The following EYS variants were observed in gnomAD, a reference collection of about 807,000 sequenced individuals.
The protein encoded by EYS is EGF-like photoreceptor maintenance factor, also known as protein eyes shut homolog.
A neutral mutation model predicts 282.1 loss-of-function variants in EYS; 250 were observed. That is an observed-to-expected ratio of 0.89 (90% CI 0.80 to 0.98). EYS has a LOEUF of 0.98. EYS is among the 50% of genes least tolerant of loss of function. The probability of loss-of-function intolerance (pLI) is 0.00; values close to 1 mark genes in which losing one functional copy is unlikely to be tolerated. For missense variants in EYS, 4,016 were observed against 3,709.0 expected (o/e 1.08, Z -2.15); for synonymous variants, 1,355 against 1,282.9 (o/e 1.06, Z -1.20).
intron 22 of EYS, among the ~76,000 whole-genome samples, chr6:64,683,458 A>G (rs1424039584): frequency 6.6e-6 from 1 of 152,206 alleles, no homozygotes; most frequent in East Asian, 1.9e-4. Context: ...ATTATCTGAA[A>G]TGAAAAATTT....
intron 13 of EYS, among the ~76,000 whole-genome samples, chr6:65,024,321 C>A (rs773421262): frequency 1.0e-3 from 154 of 152,278 alleles, no homozygotes; most frequent in Non-Finnish European, 1.7e-3. Flanking sequence ...ACCCCAGGTA[C>A]TATTTTAAGT....
At chr6:64,364,986 C>A (rs1772141218) in intron 29 of EYS, among the ~76,000 whole-genome samples, 1 of 151,562 alleles carries the variant, frequency 6.6e-6, no homozygotes, top group African/African-American at 2.4e-5. Context: ...GTTTTTTTTA[C>A]TCTTCGAGTA....
chr6:63,800,936 G>A (rs554966468), intron 37 of EYS, among the ~76,000 whole-genome samples: 1 of 152,222 alleles, frequency 6.6e-6, no homozygotes, highest in Non-Finnish European at 1.5e-5. Context: ...GGAACAGCCT[G>A]CACAGAAGTG....
intron 18 of EYS, among the ~76,000 whole-genome samples, chr6:64,899,397 T>A (rs144076397): frequency 0.032 from 4,801 of 152,100 alleles, 85 homozygotes; most frequent in Middle Eastern, 0.065. Context: ...ATAAAGGGTA[T>A]TCAAATAGGA....
rs1182999291 is a variant in EYS at position 64,295,490 on chromosome 6, GAAGAAGAAAGAAGA to G, written c.6191+11466_6191+11479del. Among the ~76,000 whole-genome samples, 4 of 28,172 alleles carry G rather than the reference GAAGAAGAAAGAAGA, an allele frequency of 1.4e-4. 2 individuals carry two copies. The highest frequency in any genetic ancestry group is 8.7e-4 in the Admixed American group (2 of 2,308). The allele number at this position is 28,172 out of a possible 152,430, so 18.5% of individuals were successfully genotyped here. ...AGAAGAAGAAGAAGAAGAAGAAGAA[GAAGAAGAAAGAAGA>G]AAGAAGAAAGAAGAAAGAAGAAAGA... On this transcript the variant is annotated intron_variant, in intron 30 of 42. Transcript: ENST00000503581.
chr6:64,439,836 A>G (rs1433994767), intron 26 of EYS, among the ~76,000 whole-genome samples: 1 of 151,854 alleles, frequency 6.6e-6, no homozygotes, highest in Non-Finnish European at 1.5e-5. Context: ...CTTCTGAATG[A>G]TATTCTAATT....
intron 14 of EYS, 137 bp from the exon 15 acceptor site, chr6:64,946,051 C>A (rs1388502073): frequency 1.2e-5 from 7 of 608,282 alleles, no homozygotes; most frequent in Non-Finnish European, 1.6e-5. Context: ...ATACTCCCCC[C>A]AAATGACTTT....
intron 33 of EYS, among the ~76,000 whole-genome samples, chr6:64,016,248 C>T (rs1440586483): frequency 1.3e-5 from 2 of 152,088 alleles, no homozygotes; most frequent in Admixed American, 6.6e-5. Context: ...ATTTAATAAA[C>T]ATTTATATAG....
chr6:65,061,352 C>G (rs1315686944), intron 12 of EYS, among the ~76,000 whole-genome samples: 2 of 151,874 alleles, frequency 1.3e-5, no homozygotes, highest in Non-Finnish European at 2.9e-5. Flanking sequence ...ATTAAACAAT[C>G]AAGCATTCTA....
At chr6:64,744,302 A>G (rs1772479029) in intron 22 of EYS, among the ~76,000 whole-genome samples, 1 of 152,118 alleles carries the variant, frequency 6.6e-6, no homozygotes, top group African/African-American at 2.4e-5. Flanking sequence ...GTTAAAAGAG[A>G]CTTAAATCCC....
Position 65,594,999 on chromosome 6 carries a change from C to CT in EYS, c.-333+44778dup, listed in dbSNP as rs1261769331. Reference sequence around the variant, plus strand: ...AGATGTGTGGTATTATTTCTGAGGGCTCTGTTCTGTTCCATTGGTCTGTAT... The same window carrying CT: ...AGATGTGTGGTATTATTTCTGAGGGCTTCTGTTCTGTTCCATTGGTCTGTAT... On this transcript the variant is annotated intron_variant, in intron 2 of 42. Coordinates refer to ENST00000503581, the MANE Select transcript of EYS (RefSeq NM_001142800.2). Among the ~76,000 whole-genome samples, 7 of 152,114 alleles carry CT rather than the reference C, an allele frequency of 4.6e-5. No individual in the cohort carries two copies. In the South Asian group the frequency reaches 1.5e-3, roughly 32 times the overall value.
intron 2 of EYS, among the ~76,000 whole-genome samples, chr6:65,598,456 A>T (rs1765491866): frequency 6.6e-6 from 1 of 152,120 alleles, no homozygotes; most frequent in Non-Finnish European, 1.5e-5. Context: ...CCTGGAGTAT[A>T]GCCAATCAAA....
intron 2 of EYS, among the ~76,000 whole-genome samples, chr6:65,614,824 T>A (rs186416275): frequency 2.0e-5 from 3 of 152,186 alleles, no homozygotes; most frequent in Non-Finnish European, 4.4e-5. Flanking sequence ...ATAAAATCTG[T>A]AAATATTCAA....
intron 12 of EYS, among the ~76,000 whole-genome samples, chr6:65,220,805 G>C (rs1766444125): frequency 6.6e-6 from 1 of 152,094 alleles, no homozygotes; most frequent in Admixed American, 6.5e-5. Context: ...GAATGGTTTT[G>C]ACCAAAATGC....
chr6:64,025,910 G>T (rs57687499), intron 33 of EYS, among the ~76,000 whole-genome samples: 1,779 of 152,234 alleles, frequency 0.012, 23 homozygotes, highest in East Asian at 0.036. Flanking sequence ...ACTCTAACAG[G>T]TTTTCGAGAA....
Position 63,864,198 on chromosome 6 carries a change from G to T in EYS, c.7216C>A (p.Leu2406Ile). 1 of 1,534,766 alleles carries T rather than the reference G, an allele frequency of 6.5e-7. No individual in the cohort carries two copies. Among genetic ancestry groups the T allele is most frequent in the Non-Finnish European group, 8.8e-7 (1 of 1,136,964 alleles). Residue 2406 changes from leucine (L) to isoleucine (I), a missense_variant, in exon 36 of 43, where the codon CTC becomes ATC. Leu to Ile is a conservative substitution (Grantham distance 5). Coordinates refer to ENST00000503581, the MANE Select transcript of EYS (RefSeq NM_001142800.2). ...CLCPYGRSGP[L>I]CTDAINITQP... ...CAAATGCTCTTACCATCAGTGCAGAGGGGTCCAGACCTCCCATATGGGCAG... is the reference window on the plus strand; with the variant it reads ...CAAATGCTCTTACCATCAGTGCAGATGGGTCCAGACCTCCCATATGGGCAG...
At chr6:63,827,562 C>T (rs866302203) in intron 36 of EYS, among the ~76,000 whole-genome samples, 26 of 152,198 alleles carry the variant, frequency 1.7e-4, no homozygotes, top group African/African-American at 6.0e-4. Flanking sequence ...GAAATTACAT[C>T]GGCCGGGCGC....
At chr6:64,253,030 T>C (rs1041151647) in intron 30 of EYS, among the ~76,000 whole-genome samples, 1 of 152,096 alleles carries the variant, frequency 6.6e-6, no homozygotes, top group Non-Finnish European at 1.5e-5. Flanking sequence ...TTACATATCA[T>C]GTTGAGAAGT....
chr6:63,974,408 G>T (rs1766734136), intron 35 of EYS, among the ~76,000 whole-genome samples: 1 of 152,002 alleles, frequency 6.6e-6, no homozygotes, highest in South Asian at 2.1e-4. Context: ...CTTGTTCTTT[G>T]AAGAAAAGAG....
Sources: allele counts gnomAD v4.1 joint callset (sites outside exome capture counted in the v4.1 genomes callset), GRCh38; gene constraint gnomAD v4.1.1; transcripts MANE v1.5; gene names NCBI Gene and HGNC (gene_info 2026-07-23, HGNC 2026-07-21).